LIMS2: variants seen among roughly 807,000 people sequenced by gnomAD.
The protein encoded by LIMS2 is LIM and senescent cell antigen-like-containing domain protein 2.
Under a neutral mutation model 45.3 loss-of-function variants are expected in LIMS2, and 30 were observed. The ratio of observed to expected loss-of-function variants is 0.66; its 90% CI spans 0.50 to 0.90. The LOEUF is 0.90. Among genes scored for constraint, LIMS2 ranks in the 40% least tolerant of loss-of-function variants. The pLI is 0.00. For missense variants in LIMS2, 485 were observed against 468.7 expected (o/e 1.03, Z -0.32); for synonymous variants, 173 against 188.0 (o/e 0.92, Z 0.65).
chr2:127,651,722 C>G (rs754033416), intron 4 of LIMS2: 1 of 1,612,784 alleles, frequency 6.2e-7, no homozygotes, highest in African/African-American at 1.3e-5. Flanking sequence ...GGAAAACCAA[C>G]GAGAGCTCGC....
chr2:127,643,320 G>A (rs1682623489), intron 4 of LIMS2: 2 of 564,930 alleles, frequency 3.5e-6, no homozygotes, highest in Non-Finnish European at 6.5e-6. Flanking sequence ...TCTCTGGATG[G>A]TATTTTCCTC....
rs1417395412 is a variant in LIMS2 at position 127,667,195 on chromosome 2, G to A, written c.11+7819C>T. On this transcript the variant is annotated intron_variant, in intron 1 of 9. Coordinates refer to ENST00000355119, the MANE Select transcript of LIMS2 (RefSeq NM_001161403.3). The surrounding 1 kb of genome is among the most constrained non-coding windows in gnomAD (Gnocchi z 4.1). ...AATCCCAGCTACTCAGGAGGCTGAG[G>A]CAGGAGAATCACTTGAACCTGGAAG... 6.6e-6 allele frequency among the ~76,000 whole-genome samples: 1 copy of A among 152,218 alleles called. No homozygotes were observed. The highest frequency in any genetic ancestry group is 1.5e-5 in the Non-Finnish European group (1 of 68,034).
Position 127,654,478 on chromosome 2 carries a change from C to T in LIMS2, c.305G>A (p.Cys102Tyr), listed in dbSNP as rs769405392. 6.2e-7 allele frequency: 1 copy of T among 1,614,168 alleles called. No homozygotes were observed. The change falls in exon 4 of 10, where the codon TGC becomes TAC. Residue 102 changes from cysteine to tyrosine, a missense_variant. Coordinates refer to ENST00000355119, the MANE Select transcript of LIMS2 (RefSeq NM_001161403.3). ...AGCCAGCTCCACATCACACAGCTCG[C>T]AGCGGAAGCAGCCCGGGTGCCAGTT... ...NNNWHPGCFR[C>Y]ELCDVELADL...
intron 4 of LIMS2, chr2:127,651,394 G>A (rs61740758): frequency 3.2e-4 from 517 of 1,612,762 alleles, no homozygotes; most frequent in African/African-American, 2.9e-3. Context: ...CGCAGCCTGC[G>A]GCAGGGCCTG....
At chr2:127,643,775 A>C (rs1682669369) in intron 4 of LIMS2, among the ~76,000 whole-genome samples, 2 of 152,294 alleles carry the variant, frequency 1.3e-5, no homozygotes, top group African/African-American at 4.8e-5. Flanking sequence ...AAAGATACAC[A>C]AAGGCCCCAA....
At chr2:127,640,603 G>A (rs963333977) in intron 7 of LIMS2, 258 of 598,600 alleles carry the variant, frequency 4.3e-4, no homozygotes, top group Non-Finnish European at 1.0e-4. Context: ...TCCCACCAGC[G>A]CCCCCTGCCT....
At chr2:127,660,044 C>T (rs376714074) in intron 1 of LIMS2, among the ~76,000 whole-genome samples, 1 of 152,182 alleles carries the variant, frequency 6.6e-6, no homozygotes, top group Non-Finnish European at 1.5e-5. Context: ...TACCTTGCTT[C>T]CCACTGAAAG....
rs1684916864 is a variant in LIMS2, at chr2:127,664,748, A to C, written c.12-7186T>G. On this transcript the variant is annotated intron_variant, in intron 1 of 9. Coordinates refer to ENST00000355119, the MANE Select transcript of LIMS2 (RefSeq NM_001161403.3). This position sits in a 1 kb window ranked among gnomAD's most constrained non-coding sequence, Gnocchi z 5.5. The stretch of plus-strand genomic sequence containing the variant: ...AGGAGGTCTCCGGCTGCCACCTGCC[A>C]GGAGGAAAGCCTGTGCCCGTGGACA... 6.6e-6 allele frequency among the ~76,000 whole-genome samples: 1 copy of C among 152,214 alleles called. No homozygotes were observed. Among genetic ancestry groups the C allele is most frequent in the South Asian group, 2.1e-4 (1 of 4,838 alleles).
At chr2:127,643,519 TGAA>T (rs1682650102) in intron 4 of LIMS2, 1 of 456,832 alleles carries the variant, frequency 2.2e-6, no homozygotes, top group Non-Finnish European at 4.4e-6. Context: ...GTTTGCCAGA[TGAA>T]GAAGGGCCCA....
At position 127,667,062 on chromosome 2, in the gene LIMS2, G is replaced by A. The variant is rs1452801757; in HGVS notation, c.11+7952C>T. Among the ~76,000 whole-genome samples, 2 of 152,184 alleles carry A rather than the reference G, an allele frequency of 1.3e-5. No homozygotes were observed. The highest frequency in any genetic ancestry group is 4.8e-5 in the African/African-American group (2 of 41,454). The stretch of plus-strand genomic sequence containing the variant: ...ACCAAAAAACTTGTCACAAAGTAAA[G>A]CCAGAGCGACATGGCTTCACTGATG... On this transcript the variant is annotated intron_variant, in intron 1 of 9. Transcript: ENST00000355119. The surrounding 1 kb of genome is among the most constrained non-coding windows in gnomAD (Gnocchi z 4.1).
In LIMS2 at chr2:127,650,822, G is replaced by A; in HGVS notation, c.359+3602C>T. ...AGCAATGTGGCCAGGAGACGCCACT[G>A]GAGAACATGCTGTTCGCCTCCTTCT... On this transcript the variant is annotated intron_variant, in intron 4 of 9. Coordinates refer to ENST00000355119, the MANE Select transcript of LIMS2 (RefSeq NM_001161403.3). 1.9e-6 allele frequency: 3 copies of A among 1,614,024 alleles called. No individual in the cohort carries two copies. In the East Asian group the frequency reaches 6.7e-5, roughly 36 times the overall value.
intron 4 of LIMS2, chr2:127,651,101 C>CA (rs754060818): frequency 2.0e-5 from 33 of 1,613,700 alleles, no homozygotes; most frequent in Non-Finnish European, 2.5e-5. Context: ...TCTACTTCCT[C>CA]ACCTGCATCA....
intron 4 of LIMS2, chr2:127,651,758 G>T (rs183852456): frequency 1.2e-6 from 2 of 1,609,812 alleles, no homozygotes; most frequent in Non-Finnish European, 8.5e-7. Flanking sequence ...AGCTGTGAGC[G>T]GGGGGCGCCG....
At chr2:127,661,002 C>T (rs957500707) in intron 1 of LIMS2, among the ~76,000 whole-genome samples, 14 of 151,982 alleles carry the variant, frequency 9.2e-5, no homozygotes, top group Non-Finnish European at 1.9e-4. Context: ...CACAGAGAGC[C>T]CCTAACAGCA....
Position 127,647,943 on chromosome 2 carries a change from T to C in LIMS2, c.360-4871A>G. The C allele has an allele frequency of 1.2e-6, 1 of 867,708 alleles. No individual in the cohort carries two copies. Among genetic ancestry groups the C allele is most frequent in the Non-Finnish European group, 1.4e-6 (1 of 722,456 alleles). The allele number at this position is 867,708 out of a possible 1,614,324, so 53.8% of individuals were successfully genotyped here. On this transcript the variant is annotated intron_variant, in intron 4 of 9. Transcript: ENST00000355119. The surrounding 1 kb of genome is among the most constrained non-coding windows in gnomAD (Gnocchi z 4.3). ...CCCTGTCAAGGGCTGTGTTCCTCCC[T>C]CCTTTTACCTCTCCTCCACAGCCCC...
At chr2:127,654,581 G>A (rs374995420) in intron 3 of LIMS2, 37 bp from the exon 4 acceptor site, 58 of 1,613,674 alleles carry the variant, frequency 3.6e-5, no homozygotes, top group East Asian at 4.5e-5. Context: ...TGGGGAGCAC[G>A]TGCCTGTCCC....
intron 2 of LIMS2, 29 bp downstream of exon 2, chr2:127,657,374 T>C: frequency 6.2e-7 from 1 of 1,613,280 alleles, no homozygotes; most frequent in Non-Finnish European, 8.5e-7. Flanking sequence ...CCGAGCTGGG[T>C]CTGAGAAAGC....
chr2:127,644,057 GGACCCCA>G (rs1269109853), intron 4 of LIMS2: 3 of 456,370 alleles, frequency 6.6e-6, no homozygotes, highest in African/African-American at 2.0e-5. Context: ...ATCCCTCCCT[GGACCCCA>G]GGACCTGCTA....
intron 1 of LIMS2, chr2:127,673,671 C>T (rs1043689710): frequency 3.9e-6 from 6 of 1,551,310 alleles, no homozygotes; most frequent in Non-Finnish European, 5.2e-6. Context: ...AACCGCCTCT[C>T]ACCCACCTCC....
Sources: allele counts gnomAD v4.1 joint callset (sites outside exome capture counted in the v4.1 genomes callset), GRCh38; gene constraint gnomAD v4.1.1; non-coding constraint Gnocchi (gnomAD v3.1); transcripts MANE v1.5; gene names NCBI Gene and HGNC (gene_info 2026-07-23, HGNC 2026-07-21).